The following PHACTR2 variants were observed in gnomAD, a reference collection of about 807,000 sequenced individuals.
PHACTR2 encodes the protein chromosome 6 open reading frame 56.
In PHACTR2, 30 loss-of-function variants were observed where a neutral mutation model predicts 76.0. The ratio of observed to expected loss-of-function variants is 0.39; its 90% CI spans 0.30 to 0.54. The LOEUF (loss-of-function observed/expected upper bound fraction) is 0.54. Ranked by LOEUF, PHACTR2 falls within the 20% of genes least tolerant of loss-of-function variation. PHACTR2 has a pLI of 0.61. For synonymous variants in PHACTR2, 292 were observed against 292.5 expected (o/e 1.00, Z 0.02); for missense variants, 696 against 781.1 (o/e 0.89, Z 1.30).
intron 12 of PHACTR2, among the ~76,000 whole-genome samples, chr6:143,814,879 G>A (rs970160825): frequency 7.9e-5 from 12 of 152,172 alleles, no homozygotes; most frequent in African/African-American, 2.2e-4. Flanking sequence ...TGGGATTACA[G>A]GCGTGAGCCA....
chr6:143,624,877 C>T lies in PHACTR2; in HGVS notation c.13+16555C>T, dbSNP rs933903313. ...GCTGATAAAGTATAGTCAAGGAGGCCGGGAACGGTGCCTCACACCTGTAAT... is the reference window on the plus strand; with the variant it reads ...GCTGATAAAGTATAGTCAAGGAGGCTGGGAACGGTGCCTCACACCTGTAAT... On this transcript the variant is annotated intron_variant, in intron 1 of 11. Coordinates refer to the PHACTR2 transcript ENST00000305766. This position sits in a 1 kb window ranked among gnomAD's most constrained non-coding sequence, Gnocchi z 4.6. Among the ~76,000 whole-genome samples the T allele has an allele frequency of 3.3e-5, 5 of 151,946 alleles. No individual in the cohort carries two copies. Among genetic ancestry groups the T allele is most frequent in the East Asian group, 1.9e-4 (1 of 5,168 alleles).
Position 143,678,675 on chromosome 6 carries a change from G to T in PHACTR2, c.46+466G>T, listed in dbSNP as rs1012203763. Among the ~76,000 whole-genome samples the T allele has an allele frequency of 2.0e-5, 3 of 152,158 alleles. No individual in the cohort carries two copies. The highest frequency in any genetic ancestry group is 4.4e-5 in the Non-Finnish European group (3 of 68,040). ...GTAGAAGCGCTGATCGCCTTATCCT[G>T]GCAGACGCTGAATACTTAATAACTA... On this transcript the variant is annotated intron_variant, in intron 1 of 12. Coordinates refer to ENST00000440869, the MANE Select transcript of PHACTR2 (RefSeq NM_001100164.2). The surrounding 1 kb of genome is among the most constrained non-coding windows in gnomAD (Gnocchi z 6.2).
chr6:143,542,646 G>A (rs1390546160), intron 1 of PHACTR2, among the ~76,000 whole-genome samples: 1 of 152,080 alleles, frequency 6.6e-6, no homozygotes, highest in Admixed American at 6.5e-5. Context: ...GCTTAAAATG[G>A]CACATCAGGG....
At chr6:143,788,622 A>G in intron 10 of PHACTR2, 151 bp from the exon 11 acceptor site, 1 of 515,076 alleles carries the variant, frequency 1.9e-6, no homozygotes, top group Non-Finnish European at 3.3e-6. Flanking sequence ...TCTCATTAGA[A>G]ATTCCCAAGA....
chr6:143,548,282 C>CT lies in PHACTR2; in HGVS notation c.217+11075_217+11076insT, dbSNP rs1436910721. On this transcript the variant is annotated intron_variant, in intron 1 of 11. Coordinates refer to the PHACTR2 transcript ENST00000367584. This position sits in a 1 kb window ranked among gnomAD's most constrained non-coding sequence, Gnocchi z 4.5. ...TCAATACCTCATCTAATCCTTATTA[C>CT]CTCCCAAAGACTCCACCTCATAATA... Among the ~76,000 whole-genome samples, 3 of 149,846 alleles carry CT rather than the reference C, an allele frequency of 2.0e-5. No homozygotes were observed. The highest frequency in any genetic ancestry group is 3.0e-5 in the Non-Finnish European group (2 of 66,496).
At position 143,824,440 on chromosome 6, in the gene PHACTR2, C is replaced by A. The variant is rs767175437; in HGVS notation, c.*751C>A. ...TTTTAAGTAGCATTAGCTATGCACA[C>A]TTGACATTTTTAAATATCCCTTTCC... On this transcript the variant is annotated 3_prime_UTR_variant, in exon 13 of 13. Transcript: ENST00000440869. This position sits in a 1 kb window ranked among gnomAD's most constrained non-coding sequence, Gnocchi z 6.3. The A allele has an allele frequency of 6.6e-6, 1 of 152,644 alleles. No individual in the cohort carries two copies. Among genetic ancestry groups the A allele is most frequent in the Non-Finnish European group, 1.5e-5 (1 of 68,046 alleles). The allele number at this position is 152,644 out of a possible 1,614,324, so 9.5% of individuals were successfully genotyped here. A position where few individuals can be genotyped will look rare whatever the true frequency, so the allele number is the denominator to read the frequency against.
rs1320480964 is a variant in PHACTR2, at chr6:143,818,389, C to G, written c.1923-5285C>G. On this transcript the variant is annotated intron_variant, in intron 12 of 12. Coordinates refer to ENST00000440869, the MANE Select transcript of PHACTR2 (RefSeq NM_001100164.2). This position sits in a 1 kb window ranked among gnomAD's most constrained non-coding sequence, Gnocchi z 4.9. ...AGTTAGCATCCCCATGCCTCAGTTT[C>G]CACATCTGTACAAAGATGATATAGG... Among the ~76,000 whole-genome samples, 1 of 152,160 alleles carries G rather than the reference C, an allele frequency of 6.6e-6. No individual in the cohort carries two copies. Among genetic ancestry groups the G allele is most frequent in the African/African-American group, 2.4e-5 (1 of 41,424 alleles).
chr6:143,769,494 A>C (rs1775040487), intron 6 of PHACTR2, among the ~76,000 whole-genome samples: 1 of 152,156 alleles, frequency 6.6e-6, no homozygotes, highest in Admixed American at 6.5e-5. Context: ...TAATAGGTAG[A>C]CCGAGTCTTC....
chr6:143,787,282 T>C lies in PHACTR2; in HGVS notation c.1708-1491T>C, dbSNP rs1775578498. Among the ~76,000 whole-genome samples the C allele has an allele frequency of 6.6e-6, 1 of 152,260 alleles. No homozygotes were observed. The highest frequency in any genetic ancestry group is 2.4e-5 in the African/African-American group (1 of 41,470). Reference sequence around the variant, plus strand: ...CCTATATTGCCATTGGTCACTTTCCTTCTAGCCAGTTCTTAGGAGCAAGGG... The same window carrying C: ...CCTATATTGCCATTGGTCACTTTCCCTCTAGCCAGTTCTTAGGAGCAAGGG... On this transcript the variant is annotated intron_variant, in intron 10 of 12. Coordinates refer to ENST00000440869, the MANE Select transcript of PHACTR2 (RefSeq NM_001100164.2). The surrounding 1 kb of genome is among the most constrained non-coding windows in gnomAD (Gnocchi z 4.6).
Position 143,738,739 on chromosome 6 carries a change from G to C in PHACTR2, c.215-10246G>C, listed in dbSNP as rs1407099626. On this transcript the variant is annotated intron_variant, in intron 2 of 12. Transcript: ENST00000440869. The surrounding 1 kb of genome is among the most constrained non-coding windows in gnomAD (Gnocchi z 4.0). The stretch of plus-strand genomic sequence containing the variant: ...CAACTGTACTCCAGCCTGGGTGATA[G>C]AGCAGGACCTTGTCTCAAAAAAAAA... Among the ~76,000 whole-genome samples, 1 of 151,854 alleles carries C rather than the reference G, an allele frequency of 6.6e-6. No individual in the cohort carries two copies. Among genetic ancestry groups the C allele is most frequent in the East Asian group, 1.9e-4 (1 of 5,172 alleles).
At position 143,633,090 on chromosome 6, in the gene PHACTR2, T is replaced by C. The variant is rs1776392838; in HGVS notation, c.13+24768T>C. 6.6e-6 allele frequency among the ~76,000 whole-genome samples: 1 copy of C among 152,232 alleles called. No individual in the cohort carries two copies. The highest frequency in any genetic ancestry group is 1.5e-5 in the Non-Finnish European group (1 of 68,040). On this transcript the variant is annotated intron_variant, in intron 1 of 11. Transcript: ENST00000305766. The surrounding 1 kb of genome is among the most constrained non-coding windows in gnomAD (Gnocchi z 4.1). ...AACATCTGTGTGCAGGGCTTTTTGC[T>C]GACATAATCTTTCAGCCGATTTGGT... is the stretch of plus-strand genomic sequence containing the variant.
In PHACTR2 at chr6:143,746,602, C is replaced by T. The variant is rs1779072096; in HGVS notation, c.215-2383C>T. Among the ~76,000 whole-genome samples the T allele has an allele frequency of 1.3e-5, 2 of 152,106 alleles. 1 individual carries two copies. Among genetic ancestry groups the T allele is most frequent in the South Asian group, 4.1e-4 (2 of 4,822 alleles). ...TTGGAGGAGGTCTACAGAGTCCCGC[C>T]ACCCCTCAGAGCCCAGTCAAGCATG... On this transcript the variant is annotated intron_variant, in intron 2 of 12. Transcript: ENST00000440869.
Position 143,807,113 on chromosome 6 carries a change from A to G in PHACTR2, c.1902A>G (p.Glu634=). ...EFKSTEMEVH[E]ESRQFTRFHR... ...AAAGCACAGAAATGGAAGTTCATGA[A>G]GAGAGTCGACAGTTTACAAGGTAGG... The change falls in exon 12 of 13, where the codon GAA becomes GAG. Residue 634 remains glutamate (E), a synonymous_variant. Transcript: ENST00000440869. The surrounding 1 kb of genome is among the most constrained non-coding windows in gnomAD (Gnocchi z 5.5). The G allele has an allele frequency of 1.9e-6, 3 of 1,606,574 alleles. No individual in the cohort carries two copies. The highest frequency in any genetic ancestry group is 2.6e-6 in the Non-Finnish European group (3 of 1,173,888).
In PHACTR2 at chr6:143,820,905, A is replaced by G. The variant is rs147731950; in HGVS notation, c.1923-2769A>G. 3.6e-3 allele frequency among the ~76,000 whole-genome samples: 549 copies of G among 152,312 alleles called. 5 individuals carry two copies. The highest frequency in any genetic ancestry group is 0.013 in the African/African-American group (524 of 41,562). ...CCTGAAATCTAGGTGGAGTGTCTGA[A>G]GCTTCCATCACTTTTGCATTCTGTG... On this transcript the variant is annotated intron_variant, in intron 12 of 12. Transcript: ENST00000440869. The surrounding 1 kb of genome is among the most constrained non-coding windows in gnomAD (Gnocchi z 4.2).
chr6:143,802,205 TTTG>T (rs1026471342), intron 11 of PHACTR2, among the ~76,000 whole-genome samples: 5 of 152,132 alleles, frequency 3.3e-5, no homozygotes, highest in African/African-American at 4.8e-5. Flanking sequence ...CTCATAGAGC[TTTG>T]TTGTTGTTGT....
At chr6:143,637,270 G>A (rs1212290630) in intron 1 of PHACTR2, among the ~76,000 whole-genome samples, 1 of 150,934 alleles carries the variant, frequency 6.6e-6, no homozygotes, top group Non-Finnish European at 1.5e-5. Flanking sequence ...TTTTTTCTAA[G>A]TTAACCATTC....
intron 1 of PHACTR2, among the ~76,000 whole-genome samples, chr6:143,686,480 TC>T (rs1429699761): frequency 2.9e-5 from 4 of 137,218 alleles, no homozygotes; most frequent in Non-Finnish European, 4.7e-5. Flanking sequence ...GGAACTTCAT[TC>T]TTTTTTTTTT....
intron 1 of PHACTR2, among the ~76,000 whole-genome samples, chr6:143,661,073 A>C (rs1309653697): frequency 6.6e-6 from 1 of 152,224 alleles, no homozygotes. Context: ...TTCTATACTG[A>C]CATAAATAAT....
At position 143,776,543 on chromosome 6, in the gene PHACTR2, C is replaced by G. The variant is rs570067723; in HGVS notation, c.1590-785C>G. 3.9e-5 allele frequency among the ~76,000 whole-genome samples: 6 copies of G among 152,328 alleles called. No individual in the cohort carries two copies. In the South Asian group the frequency reaches 1.2e-3, roughly 32 times the overall value. ...CAGAAGTCCGTAGTCAGGTACCTAG[C>G]TAACATCCAGGCCGATCTGTTGCTA... On this transcript the variant is annotated intron_variant, in intron 8 of 12. Transcript: ENST00000440869. The surrounding 1 kb of genome is among the most constrained non-coding windows in gnomAD (Gnocchi z 5.3).
Sources: allele counts gnomAD v4.1 joint callset (sites outside exome capture counted in the v4.1 genomes callset), GRCh38; gene constraint gnomAD v4.1.1; non-coding constraint Gnocchi (gnomAD v3.1); transcripts MANE v1.5; gene names NCBI Gene and HGNC (gene_info 2026-07-23, HGNC 2026-07-21).